Variants in CLSTN1 observed in about 807,000 individuals in gnomAD.
CLSTN1 encodes calsyntenin-1.
CLSTN1 carries 28 observed loss-of-function variants against 108.3 expected under a neutral mutation model. The observed-to-expected ratio is 0.26, with a 90% confidence interval of 0.19 to 0.35. The LOEUF (loss-of-function observed/expected upper bound fraction) is 0.35. CLSTN1 is among the 10% of genes least tolerant of loss of function. The pLI is 1.00. For synonymous variants in CLSTN1, 524 were observed against 534.9 expected, an observed-to-expected ratio of 0.98 and a Z score of 0.28; for missense variants, 1,157 against 1,302.6, an observed-to-expected ratio of 0.89 and a Z score of 1.72.
At chr1:9,749,720 G>A in intron 6 of CLSTN1, 44 bp downstream of exon 6, 1 of 1,612,142 alleles carries the variant, frequency 6.2e-7, no homozygotes. Flanking sequence ...GCATACATCA[G>A]TTTTAAGAGC....
intron 9 of CLSTN1, among the ~76,000 whole-genome samples, chr1:9,743,604 G>A (rs577237131): frequency 6.6e-6 from 1 of 152,210 alleles, no homozygotes; most frequent in Admixed American, 6.5e-5. Context: ...CTGGAGTGAA[G>A]TGGCACAATC....
chr1:9,812,137 A>C (rs986678977), intron 1 of CLSTN1, among the ~76,000 whole-genome samples: 1 of 152,072 alleles, frequency 6.6e-6, no homozygotes, highest in Admixed American at 6.6e-5. Flanking sequence ...ACTCCGTCTC[A>C]AAAAAACAAA....
chr1:9,754,578 G>T (rs1651721674), intron 4 of CLSTN1, among the ~76,000 whole-genome samples: 1 of 151,466 alleles, frequency 6.6e-6, no homozygotes, highest in African/African-American at 2.4e-5. Context: ...ACACAAAAAG[G>T]CCAGGTACGG....
chr1:9,803,875 A>G (rs1235874563), intron 1 of CLSTN1, among the ~76,000 whole-genome samples: 1 of 152,184 alleles, frequency 6.6e-6, no homozygotes, highest in Non-Finnish European at 1.5e-5. Context: ...AAGGTCTCAA[A>G]AAGGCCATCT....
chr1:9,793,892 T>C (rs979132434), intron 1 of CLSTN1, among the ~76,000 whole-genome samples: 9 of 151,532 alleles, frequency 5.9e-5, no homozygotes, highest in East Asian at 2.0e-4. Flanking sequence ...TCCATGCTGC[T>C]ACCAGCTTCC....
intron 1 of CLSTN1, among the ~76,000 whole-genome samples, chr1:9,779,023 CAAAA>C (rs70998309): frequency 2.0e-5 from 2 of 102,154 alleles, no homozygotes; most frequent in Non-Finnish European, 4.2e-5. Flanking sequence ...GACTTCGTCT[CAAAA>C]AAAAAAAAAA....
intron 2 of CLSTN1, among the ~76,000 whole-genome samples, chr1:9,765,672 C>G (rs1019828807): frequency 4.0e-5 from 6 of 151,832 alleles, no homozygotes; most frequent in Admixed American, 1.3e-4. Flanking sequence ...CTGAGGTCAG[C>G]AGTTTGCGGC....
At chr1:9,794,370 G>A (rs908125814) in intron 1 of CLSTN1, among the ~76,000 whole-genome samples, 5 of 151,370 alleles carry the variant, frequency 3.3e-5, no homozygotes, top group South Asian at 4.3e-4. Context: ...GTGCAGTCAC[G>A]CAATCTCAGC....
At chr1:9,737,022 A>C (rs1158774978) in intron 11 of CLSTN1, among the ~76,000 whole-genome samples, 1 of 152,084 alleles carries the variant, frequency 6.6e-6, no homozygotes, top group East Asian at 1.9e-4. Context: ...GCAGTGAGCC[A>C]AGACCGCGCC....
chr1:9,761,745 C>T (rs544209432), intron 2 of CLSTN1, among the ~76,000 whole-genome samples: 4 of 152,288 alleles, frequency 2.6e-5, no homozygotes, highest in Admixed American at 6.5e-5. Context: ...CTCCTACACA[C>T]GTCTCCCAGC....
At chr1:9,745,196 T>G (rs1369042813) in intron 7 of CLSTN1, among the ~76,000 whole-genome samples, 1 of 132,694 alleles carries the variant, frequency 7.5e-6, no homozygotes, top group African/African-American at 2.9e-5. Flanking sequence ...ACCCCTGCAC[T>G]CCAGCCTGGG....
rs1557694860 is a variant in CLSTN1, at chr1:9,744,343, C to G, written c.1234+52G>C. 5 of 1,552,046 alleles carry G rather than the reference C, an allele frequency of 3.2e-6. No individual in the cohort carries two copies. The East Asian group carries it at 1.1e-4, about 35-fold the overall frequency. On this transcript the variant is annotated intron_variant, in intron 8 of 18. Coordinates refer to ENST00000377298, the MANE Select transcript of CLSTN1 (RefSeq NM_001009566.3). ...AGGAGAGGGAGCCTGCCGCTGGCAC[C>G]CACCCTACTGGACACTGGGGCCTGG...
intron 1 of CLSTN1, among the ~76,000 whole-genome samples, chr1:9,807,348 C>T (rs968640580): frequency 6.6e-6 from 1 of 152,070 alleles, no homozygotes; most frequent in Non-Finnish European, 1.5e-5. Flanking sequence ...ACACGGACTA[C>T]GTCACCATTA....
At chr1:9,745,797 T>A (rs1329470259) in intron 7 of CLSTN1, among the ~76,000 whole-genome samples, 1 of 123,468 alleles carries the variant, frequency 8.1e-6, no homozygotes. Flanking sequence ...TGAGACAGGG[T>A]CTCCTCTCTC....
chr1:9,786,079 C>T (rs1025066132), intron 1 of CLSTN1, among the ~76,000 whole-genome samples: 1 of 152,060 alleles, frequency 6.6e-6, no homozygotes, highest in East Asian at 1.9e-4. Context: ...CTCCCAGCTA[C>T]TCGGGAGGCT....
chr1:9,797,452 T>C (rs1654060565), intron 1 of CLSTN1, among the ~76,000 whole-genome samples: 1 of 152,158 alleles, frequency 6.6e-6, no homozygotes, highest in Non-Finnish European at 1.5e-5. Context: ...TGGTCAACAT[T>C]AATGAGACCT....
chr1:9,735,873 G>A lies in CLSTN1; in HGVS notation c.1734+12C>T, dbSNP rs200230011. The A allele has an allele frequency of 9.9e-5, 159 of 1,613,814 alleles. No homozygotes were observed. In the African/African-American group the frequency reaches 1.9e-3, roughly 19 times the overall value. ...GCCCATGAGTGGTGTGCAGTCGAGC[G>A]CTCGGTGTTACCTGCACGCCTCTGC... On this transcript the variant is annotated intron_variant, in intron 12 of 18. Coordinates refer to ENST00000377298, the MANE Select transcript of CLSTN1 (RefSeq NM_001009566.3).
chr1:9,812,621 C>A (rs1654806553), intron 1 of CLSTN1, among the ~76,000 whole-genome samples: 1 of 151,924 alleles, frequency 6.6e-6, no homozygotes, highest in South Asian at 2.1e-4. Flanking sequence ...CCGAGGCGGG[C>A]AGAACACCTG....
intron 1 of CLSTN1, among the ~76,000 whole-genome samples, chr1:9,810,617 A>T (rs939326861): frequency 6.6e-6 from 1 of 151,514 alleles, no homozygotes; most frequent in African/African-American, 2.4e-5. Flanking sequence ...TCTACTAAAA[A>T]TACAAAAATT....
Sources: allele counts gnomAD v4.1 joint callset (sites outside exome capture counted in the v4.1 genomes callset), GRCh38; gene constraint gnomAD v4.1.1; transcripts MANE v1.5; gene names NCBI Gene and HGNC (gene_info 2026-07-23, HGNC 2026-07-21).